Variants in RGS10 observed in about 807,000 individuals in gnomAD.
RGS10 encodes regulator of G-protein signalling 10.
RGS10 carries 11 observed loss-of-function variants against 23.5 expected under a neutral mutation model. The ratio of observed to expected loss-of-function variants is 0.47; its 90% CI spans 0.29 to 0.77. RGS10 has a LOEUF of 0.77. Ranked by LOEUF, RGS10 falls within the 30% of genes least tolerant of loss-of-function variation. The probability of loss-of-function intolerance (pLI) is 0.08; values close to 1 mark genes in which losing one functional copy is unlikely to be tolerated. For missense variants in RGS10, 180 were observed against 226.3 expected, an observed-to-expected ratio of 0.80 and a Z score of 1.31; for synonymous variants, 77 against 83.2, an observed-to-expected ratio of 0.92 and a Z score of 0.41.
chr10:119,540,266 C>T (rs1844424529), intron 1 of RGS10, among the ~76,000 whole-genome samples: 1 of 151,750 alleles, frequency 6.6e-6, no homozygotes, highest in Admixed American at 6.6e-5. Context: ...TCCTTCTTTC[C>T]TTTTCTTTGG....
intron 3 of RGS10, among the ~76,000 whole-genome samples, chr10:119,519,567 G>A (rs1381055861): frequency 1.0e-5 from 1 of 97,066 alleles, no homozygotes; most frequent in East Asian, 3.2e-4. Context: ...GTCTCCCTGT[G>A]TCTGTCTCCC....
intron 3 of RGS10, among the ~76,000 whole-genome samples, chr10:119,519,912 C>A (rs1196082105): frequency 3.9e-5 from 6 of 152,222 alleles, no homozygotes; most frequent in African/African-American, 1.4e-4. Flanking sequence ...AGCTACTGAC[C>A]CATGTAGCCA....
At chr10:119,536,300 G>A (rs1170208526) in intron 1 of RGS10, among the ~76,000 whole-genome samples, 1 of 152,216 alleles carries the variant, frequency 6.6e-6, no homozygotes, top group Non-Finnish European at 1.5e-5. Flanking sequence ...GTTTTCACAC[G>A]AGGGTTCGGG....
At chr10:119,521,691 A>G (rs2133953953) in intron 3 of RGS10, among the ~76,000 whole-genome samples, 1 of 146,364 alleles carries the variant, frequency 6.8e-6, no homozygotes, top group Non-Finnish European at 1.5e-5. Context: ...AAGAAAATAG[A>G]TCCTATACTA....
chr10:119,529,630 T>C (rs1178379444), intron 1 of RGS10, among the ~76,000 whole-genome samples: 1 of 152,212 alleles, frequency 6.6e-6, no homozygotes, highest in Non-Finnish European at 1.5e-5. Context: ...ACACAGTAGA[T>C]GCTCAACAAA....
chr10:119,536,481 C>T (rs1389012786), intron 1 of RGS10: 10 of 1,612,512 alleles, frequency 6.2e-6, no homozygotes, highest in African/African-American at 5.3e-5. Flanking sequence ...GCTCTGGTGT[C>T]CACCTGAGAA....
At chr10:119,532,277 G>C (rs1305067201) in intron 1 of RGS10, among the ~76,000 whole-genome samples, 1 of 152,116 alleles carries the variant, frequency 6.6e-6, no homozygotes, top group Non-Finnish European at 1.5e-5. Context: ...CTCACCCAGT[G>C]GCATCTCTCT....
At chr10:119,541,328 G>C (rs1214748808) in intron 1 of RGS10, among the ~76,000 whole-genome samples, 2 of 152,130 alleles carry the variant, frequency 1.3e-5, no homozygotes, top group Non-Finnish European at 2.9e-5. Context: ...AACGCTAACG[G>C]AGCACTTAGT....
chr10:119,522,742 C>T (rs1197476156), intron 3 of RGS10, among the ~76,000 whole-genome samples: 1 of 149,328 alleles, frequency 6.7e-6, no homozygotes, highest in Non-Finnish European at 1.5e-5. Context: ...AAAACAAAGA[C>T]ATTCAGTTAG....
At chr10:119,521,097 G>T (rs1398800073) in intron 3 of RGS10, among the ~76,000 whole-genome samples, 1 of 152,172 alleles carries the variant, frequency 6.6e-6, no homozygotes, top group East Asian at 1.9e-4. Flanking sequence ...CTGACCAGGT[G>T]GAGTGGCTCA....
At chr10:119,526,003 G>A in intron 3 of RGS10, 29 bp downstream of exon 3, 2 of 1,328,140 alleles carry the variant, frequency 1.5e-6, no homozygotes, top group South Asian at 2.8e-5. Context: ...CTTTATAAGG[G>A]AAAAAAATTA....
chr10:119,504,542 T>C (rs548523670), intron 4 of RGS10, among the ~76,000 whole-genome samples: 1 of 152,288 alleles, frequency 6.6e-6, no homozygotes, highest in Admixed American at 6.5e-5. Flanking sequence ...CAAAGGTCAG[T>C]AGTGGGGTGA....
chr10:119,535,339 C>T (rs1227415890), intron 1 of RGS10, among the ~76,000 whole-genome samples: 8 of 151,040 alleles, frequency 5.3e-5, no homozygotes, highest in East Asian at 3.9e-4. Context: ...AATGTATATG[C>T]GTTTTCCATT....
intron 4 of RGS10, among the ~76,000 whole-genome samples, chr10:119,500,973 G>A (rs1423200526): frequency 6.6e-6 from 1 of 152,076 alleles, no homozygotes; most frequent in Admixed American, 6.5e-5. Flanking sequence ...CAGATTAGAC[G>A]GCTGCCCCCG....
intron 4 of RGS10, among the ~76,000 whole-genome samples, chr10:119,503,739 C>G (rs950978810): frequency 6.6e-6 from 1 of 152,198 alleles, no homozygotes; most frequent in Non-Finnish European, 1.5e-5. Flanking sequence ...CCGCTGTCCT[C>G]GGCTCGTAGA....
chr10:119,503,636 A>T (rs1212949987), intron 4 of RGS10, among the ~76,000 whole-genome samples: 2 of 152,134 alleles, frequency 1.3e-5, no homozygotes, highest in Admixed American at 6.6e-5. Flanking sequence ...CCCCCATTTG[A>T]CAGAGGAAGA....
intron 1 of RGS10, among the ~76,000 whole-genome samples, chr10:119,530,441 C>T (rs1844320706): frequency 1.3e-5 from 2 of 152,196 alleles, no homozygotes; most frequent in African/African-American, 4.8e-5. Flanking sequence ...GTAATCCAAA[C>T]ACCTTGGGAG....
In RGS10 at chr10:119,508,698, C is replaced by T. The variant is rs933802235; in HGVS notation, c.399+6811G>A. 4.6e-5 allele frequency among the ~76,000 whole-genome samples: 7 copies of T among 152,172 alleles called. No homozygotes were observed. In the East Asian group the frequency reaches 5.8e-4, roughly 13 times the overall value. On this transcript the variant is annotated intron_variant, in intron 4 of 4. Transcript: ENST00000369103. The stretch of plus-strand genomic sequence containing the variant: ...TTTCCTGCTAAGAAGAGAGAAGGAG[C>T]GGCAGGACTGGGGGATCTTAACTTT...
At chr10:119,511,610 C>G (rs1291662311) in intron 4 of RGS10, among the ~76,000 whole-genome samples, 1 of 152,060 alleles carries the variant, frequency 6.6e-6, no homozygotes, top group Non-Finnish European at 1.5e-5. Context: ...CAGAACAGGA[C>G]TGTCTCCAAA....
Sources: gnomAD v4.1 joint callset for allele counts (sites outside exome capture counted in the v4.1 genomes callset) on GRCh38, gnomAD v4.1.1 for gene constraint, MANE v1.5 for transcripts, NCBI Gene and HGNC (gene_info 2026-07-23, HGNC 2026-07-21) for gene names.